SREBF1: variants seen among roughly 807,000 people sequenced by gnomAD.
SREBF1 encodes sterol regulatory element binding transcription factor 1.
Under a neutral mutation model 100.1 loss-of-function variants are expected in SREBF1, and 45 were observed. That is an observed-to-expected ratio of 0.45 (90% CI 0.35 to 0.58). The LOEUF is 0.58. Ranked by LOEUF, SREBF1 falls within the 20% of genes least tolerant of loss-of-function variation. SREBF1 has a pLI of 0.00. For synonymous variants in SREBF1, 657 were observed against 681.8 expected (o/e 0.96, Z 0.57); for missense variants, 1,324 against 1,539.4 (o/e 0.86, Z 2.34).
chr17:17,825,168 C>A (rs866393439), intron 1 of SREBF1, among the ~76,000 whole-genome samples: 3 of 152,362 alleles, frequency 2.0e-5, no homozygotes, highest in Middle Eastern at 6.8e-3. Context: ...GTGAGACCAA[C>A]AAGCAGATAC....
At chr17:17,818,954 C>T in intron 5 of SREBF1, 59 bp downstream of exon 5, 1 of 1,576,284 alleles carries the variant, frequency 6.3e-7, no homozygotes, top group Non-Finnish European at 8.7e-7. Flanking sequence ...TTCCAGTTGC[C>T]CCTGATCTGT....
chr17:17,823,461 A>G (rs2034246226), intron 1 of SREBF1: 3 of 1,318,728 alleles, frequency 2.3e-6, no homozygotes, highest in African/African-American at 1.4e-5. Context: ...CCCCAGGAGA[A>G]CCTGCAGGAG....
chr17:17,812,186 G>T lies in SREBF1; in HGVS notation c.*436C>A. ...AGCCTCAGGTCAGGAGGCTAAGCAC[G>T]CTGACCTACACTATGTACACGTCTC... is the stretch of plus-strand genomic sequence containing the variant. On this transcript the variant is annotated 3_prime_UTR_variant, in exon 19 of 19. Coordinates refer to ENST00000261646, the MANE Select transcript of SREBF1 (RefSeq NM_004176.5). The T allele has an allele frequency of 2.4e-6, 1 of 425,494 alleles. No homozygotes were observed. Among genetic ancestry groups the T allele is most frequent in the Non-Finnish European group, 4.4e-6 (1 of 226,262 alleles). The allele number at this position is 425,494 out of a possible 1,614,324, so 26.4% of individuals were successfully genotyped here.
intron 12 of SREBF1, chr17:17,815,538 G>T (rs1017471499): frequency 3.3e-5 from 20 of 599,640 alleles, no homozygotes; most frequent in Middle Eastern, 4.3e-4. Context: ...CAACACTGAG[G>T]CCTGCCCTAC....
At position 17,819,671 on chromosome 17, in the gene SREBF1, G is replaced by A. The variant is rs568851975; in HGVS notation, c.578C>T (p.Pro193Leu). 1.2e-4 allele frequency: 193 copies of A among 1,611,688 alleles called. No individual in the cohort carries two copies. The highest frequency in any genetic ancestry group is 2.7e-4 in the East Asian group (12 of 44,848). ...QPLPGLPLAS[P>L]PGVPPVSLHT... ...CAAGGAGACGGGCGGGACCCCTGGCGGGGAAGCCAGTGGCAGGCCAGGCAG... is the reference window on the plus strand; with the variant it reads ...CAAGGAGACGGGCGGGACCCCTGGCAGGGAAGCCAGTGGCAGGCCAGGCAG... The change falls in exon 3 of 19, where the codon CCG (proline) becomes CTG (leucine). Residue 193 changes from proline (P) to leucine (L), a missense_variant. Physicochemically the swap from Pro to Leu is moderately conservative, Grantham distance 98 (BLOSUM62 -3). Transcript: ENST00000261646.
intron 15 of SREBF1, 92 bp from the exon 16 acceptor site, chr17:17,814,502 A>G: frequency 6.5e-7 from 1 of 1,536,414 alleles, no homozygotes; most frequent in South Asian, 1.2e-5. Context: ...TTCCCTGAGG[A>G]AAAAAGGTGG....
At chr17:17,829,467 T>G (rs144225515) in intron 1 of SREBF1, among the ~76,000 whole-genome samples, 2,650 of 151,994 alleles carry the variant, frequency 0.017, 31 homozygotes, top group Non-Finnish European at 0.028. Context: ...GTCATTGTCT[T>G]TTATGTACTT....
intron 1 of SREBF1, among the ~76,000 whole-genome samples, chr17:17,835,536 C>T (rs73297868): frequency 0.015 from 2,343 of 152,266 alleles, 71 homozygotes; most frequent in African/African-American, 0.054. Flanking sequence ...AGGGTGGCCA[C>T]GGGTTCCATG....
In SREBF1 at chr17:17,816,189, G is replaced by GCCCCCCAT. The variant is rs757516802; in HGVS notation, c.2214+17_2214+18insATGGGGGG. On this transcript the variant is annotated intron_variant, in intron 11 of 18. Coordinates refer to ENST00000261646, the MANE Select transcript of SREBF1 (RefSeq NM_004176.5). ...AGAGAGCTGCAGGGATAAGCCCCCAGCCCCCCAACCCACTCACTGTCAGAA... is the reference window on the plus strand; with the variant it reads ...AGAGAGCTGCAGGGATAAGCCCCCAGCCCCCCATCCCCCCAACCCACTCACTGTCAGAA... The GCCCCCCAT allele has an allele frequency of 1.4e-6, 1 of 709,190 alleles. No individual in the cohort carries two copies. Among genetic ancestry groups the GCCCCCCAT allele is most frequent in the Admixed American group, 3.8e-5 (1 of 26,390 alleles). The allele number at this position is 709,190 out of a possible 1,614,324, so 43.9% of individuals were successfully genotyped here. A position where few individuals can be genotyped will look rare whatever the true frequency, so the allele number is the denominator to read the frequency against.
chr17:17,822,964 C>A (rs1441556342), intron 1 of SREBF1, among the ~76,000 whole-genome samples: 1 of 152,192 alleles, frequency 6.6e-6, no homozygotes, highest in Non-Finnish European at 1.5e-5. Flanking sequence ...TGTGGACCCC[C>A]CAGGTCACAA....
chr17:17,827,366 C>T (rs1487230770), intron 1 of SREBF1, among the ~76,000 whole-genome samples: 1 of 152,220 alleles, frequency 6.6e-6, no homozygotes, highest in East Asian at 1.9e-4. Context: ...CACAGGTGCT[C>T]ATGGGATTCC....
intron 2 of SREBF1, 122 bp downstream of exon 2, chr17:17,819,968 C>T: frequency 8.1e-7 from 1 of 1,229,228 alleles, no homozygotes; most frequent in Non-Finnish European, 1.1e-6. Flanking sequence ...TCTCAAGCAG[C>T]CGAGTGGAGC....
Position 17,816,634 on chromosome 17 carries a change from C to G in SREBF1, c.1870G>C (p.Ala624Pro), listed in dbSNP as rs532238931. 6.3e-7 allele frequency: 1 copy of G among 1,599,938 alleles called. No homozygotes were observed. Among genetic ancestry groups the G allele is most frequent in the African/African-American group, 1.3e-5 (1 of 74,940 alleles). ...ATGAGGTTCCAGAGGAGGCTACAAGCCAGGTCCAGGTGGGAGGTGGGCAGG... is the reference window on the plus strand; with the variant it reads ...ATGAGGTTCCAGAGGAGGCTACAAGGCAGGTCCAGGTGGGAGGTGGGCAGG... Reference protein sequence around the residue: ...RPLPTSHLDLACSLLWNLIRH... With the variant: ...RPLPTSHLDLPCSLLWNLIRH... The change falls in exon 10 of 19, where the codon GCT (alanine) becomes CCT (proline). Residue 624 changes from alanine to proline, a missense_variant. By Grantham distance (27) the Ala-to-Pro change is conservative. Transcript: ENST00000261646.
chr17:17,818,461 G>A (rs187274368), intron 5 of SREBF1, 87 bp from the exon 6 acceptor site: 43 of 937,550 alleles, frequency 4.6e-5, no homozygotes, highest in African/African-American at 2.9e-4. Flanking sequence ...AAGGGGGTGC[G>A]GAGCTGCTTT....
At position 17,815,868 on chromosome 17, in the gene SREBF1, C is replaced by T; in HGVS notation, c.2375G>A (p.Gly792Glu). ...AAGGGGTAAGAGAGCACCTGGGTTC[C>T]CGGCCAAGCTGTACAGGCTCTCCCA... is the stretch of plus-strand genomic sequence containing the variant. ...TPWESLYSLA[G>E]NPVDPLAQVT... The change falls in exon 12 of 19, where the codon GGG becomes GAG. Residue 792 changes from glycine (G) to glutamate (E), a missense_variant. Transcript: ENST00000261646. 6.2e-7 allele frequency: 1 copy of T among 1,612,594 alleles called. No homozygotes were observed. Among genetic ancestry groups the T allele is most frequent in the Non-Finnish European group, 8.5e-7 (1 of 1,179,780 alleles).
In SREBF1 at chr17:17,817,914, A is replaced by G. The variant is rs2033766417; in HGVS notation, c.1186T>C (p.Ser396Pro). Residue 396 changes from serine (S) to proline (P), a missense_variant and splice_region_variant, in exon 7 of 19, where the codon TCT (serine) becomes CCT (proline). Coordinates refer to ENST00000261646, the MANE Select transcript of SREBF1 (RefSeq NM_004176.5). The surrounding 1 kb of genome is among the most constrained non-coding windows in gnomAD (Gnocchi z 6.6). ...SLRTAVHKSKSLKDLVSACGS... is the reference protein window; with the variant it reads ...SLRTAVHKSKPLKDLVSACGS... ...CAGGCCGACACCAGATCCTTCAGAG[A>G]TTCTGTGGGCCGAAAGGAACAGAGC... is the stretch of plus-strand genomic sequence containing the variant. The G allele has an allele frequency of 6.2e-7, 1 of 1,600,402 alleles. No individual in the cohort carries two copies. The highest frequency in any genetic ancestry group is 8.5e-7 in the Non-Finnish European group (1 of 1,179,916).
At chr17:17,819,837 C>T in intron 2 of SREBF1, 112 bp from the exon 3 acceptor site, 1 of 1,390,010 alleles carries the variant, frequency 7.2e-7, no homozygotes, top group Non-Finnish European at 9.6e-7. Flanking sequence ...CCCCATGTGG[C>T]TTCCTATGGA....
intron 18 of SREBF1, 194 bp from the exon 19 acceptor site, chr17:17,813,045 GCAGTCATGTATCCCA>G (rs2033101875): frequency 1.6e-6 from 1 of 608,298 alleles, no homozygotes; most frequent in Admixed American, 2.9e-5. Flanking sequence ...TCACGCACGT[GCAGTCATGTATCCCA>G]CAAATGACAG....
chr17:17,828,017 G>A (rs1244640300), intron 1 of SREBF1, among the ~76,000 whole-genome samples: 1 of 152,162 alleles, frequency 6.6e-6, no homozygotes, highest in African/African-American at 2.4e-5. Flanking sequence ...CTCAGCTGGG[G>A]GCCCCTCCTG....
Sources: gnomAD v4.1 joint callset for allele counts (sites outside exome capture counted in the v4.1 genomes callset) on GRCh38, gnomAD v4.1.1 for gene constraint, Gnocchi (gnomAD v3.1) non-coding constraint, MANE v1.5 for transcripts, NCBI Gene and HGNC (gene_info 2026-07-23, HGNC 2026-07-21) for gene names.